SCAMP1: variants seen among roughly 807,000 people sequenced by gnomAD.
The protein encoded by SCAMP1 is secretory carrier-associated membrane protein 1.
SCAMP1 carries 15 observed loss-of-function variants against 41.8 expected under a neutral mutation model. The observed-to-expected ratio is 0.36, with a 90% CI of 0.24 to 0.55. The LOEUF (loss-of-function observed/expected upper bound fraction) is 0.55. Among genes scored for constraint, SCAMP1 ranks in the 20% least tolerant of loss-of-function variants. The pLI, the probability that SCAMP1 is intolerant of heterozygous loss-of-function variation, is 0.86. For synonymous variants in SCAMP1, 135 were observed against 136.8 expected (o/e 0.99, Z 0.09); for missense variants, 341 against 412.6 (o/e 0.83, Z 1.50).
At chr5:78,400,007 C>T (rs1288362277) in intron 2 of SCAMP1, among the ~76,000 whole-genome samples, 1 of 152,134 alleles carries the variant, frequency 6.6e-6, no homozygotes, top group Non-Finnish European at 1.5e-5. Flanking sequence ...TCAGGCTGGT[C>T]TTGAACTCTT....
chr5:78,403,785 G>GTGAA (rs200685760), intron 2 of SCAMP1, among the ~76,000 whole-genome samples: 5,336 of 151,862 alleles, frequency 0.035, 333 homozygotes, highest in African/African-American at 0.12. Flanking sequence ...GGCCAACATG[G>GTGAA]TGAAACCCTG....
intron 7 of SCAMP1, among the ~76,000 whole-genome samples, chr5:78,456,263 C>G (rs555170551): frequency 6.7e-6 from 1 of 148,232 alleles, no homozygotes; most frequent in Non-Finnish European, 1.5e-5. Flanking sequence ...TTAGTTGATG[C>G]AGTTTCTTCC....
intron 1 of SCAMP1, among the ~76,000 whole-genome samples, chr5:78,372,072 T>C (rs1397931460): frequency 6.6e-6 from 1 of 152,220 alleles, no homozygotes; most frequent in Non-Finnish European, 1.5e-5. Context: ...CAATGCATAG[T>C]GTAGAAGCAT....
rs375255469 is a variant in SCAMP1 at position 78,459,090 on chromosome 5, C to T, written c.735-155C>T. On this transcript the variant is annotated intron_variant, in intron 7 of 8. Transcript: ENST00000621999. Reference sequence around the variant, plus strand: ...AATGGGGATTTAAAACAGCATCTATCCTATTGGGTGGGTTGTGAGAATTAA... The same window carrying T: ...AATGGGGATTTAAAACAGCATCTATTCTATTGGGTGGGTTGTGAGAATTAA... Among the ~76,000 whole-genome samples, 35 of 152,250 alleles carry T rather than the reference C, an allele frequency of 2.3e-4. No homozygotes were observed. In the South Asian group the frequency reaches 7.1e-3, roughly 31 times the overall value.
chr5:78,470,280 C>G (rs1303583697), intron 8 of SCAMP1, among the ~76,000 whole-genome samples: 1 of 152,066 alleles, frequency 6.6e-6, no homozygotes, highest in Non-Finnish European at 1.5e-5. Flanking sequence ...ATGTCTATTT[C>G]CAGAACTTTG....
At chr5:78,440,751 T>A (rs1353019901) in intron 6 of SCAMP1, among the ~76,000 whole-genome samples, 1 of 152,214 alleles carries the variant, frequency 6.6e-6, no homozygotes, top group Non-Finnish European at 1.5e-5. Context: ...GACAGGGACA[T>A]TGAAGTCTGC....
chr5:78,405,351 G>A (rs1043381896), intron 2 of SCAMP1, among the ~76,000 whole-genome samples: 1 of 152,026 alleles, frequency 6.6e-6, no homozygotes, highest in African/African-American at 2.4e-5. Flanking sequence ...TTCCTGTCTA[G>A]CACGCTGATT....
At chr5:78,368,842 T>C (rs1750863737) in intron 1 of SCAMP1, among the ~76,000 whole-genome samples, 1 of 152,108 alleles carries the variant, frequency 6.6e-6, no homozygotes, top group African/African-American at 2.4e-5. Flanking sequence ...TTTGTTGCTT[T>C]AGAAAAAGAA....
chr5:78,473,454 A>G (rs749110111), intron 8 of SCAMP1, among the ~76,000 whole-genome samples: 40 of 152,092 alleles, frequency 2.6e-4, no homozygotes, highest in Non-Finnish European at 4.4e-4. Flanking sequence ...TGCCTCTTAA[A>G]TAGTGTCTTT....
intron 6 of SCAMP1, among the ~76,000 whole-genome samples, chr5:78,427,553 G>A (rs1221324618): frequency 1.3e-5 from 2 of 152,044 alleles, no homozygotes; most frequent in African/African-American, 4.8e-5. Context: ...ATATTCCTAG[G>A]AGTAGCCTTA....
At chr5:78,445,952 C>T (rs1005804447) in intron 6 of SCAMP1, among the ~76,000 whole-genome samples, 23 of 152,084 alleles carry the variant, frequency 1.5e-4, no homozygotes, top group African/African-American at 4.6e-4. Context: ...AATAATTATT[C>T]GTATTAACGG....
intron 6 of SCAMP1, among the ~76,000 whole-genome samples, chr5:78,429,557 C>T (rs1225646866): frequency 5.3e-5 from 8 of 151,922 alleles, no homozygotes; most frequent in Non-Finnish European, 1.2e-4. Flanking sequence ...CTGGGAGTTG[C>T]AATGAGGGTG....
intron 6 of SCAMP1, among the ~76,000 whole-genome samples, chr5:78,447,252 A>G (rs1285807032): frequency 1.3e-5 from 2 of 152,244 alleles, no homozygotes; most frequent in Non-Finnish European, 2.9e-5. Flanking sequence ...ATGTTAACTC[A>G]TTGCCATGTT....
chr5:78,431,390 T>G lies in SCAMP1; in HGVS notation c.632+9430T>G, dbSNP rs529124271. On this transcript the variant is annotated intron_variant, in intron 6 of 8. Coordinates refer to ENST00000621999, the MANE Select transcript of SCAMP1 (RefSeq NM_004866.6). Reference sequence around the variant, plus strand: ...ATATGAAGTTGACAAGTCTATATATTAAGTTGACAGTCTCTTTTAATTAAT... The same window carrying G: ...ATATGAAGTTGACAAGTCTATATATGAAGTTGACAGTCTCTTTTAATTAAT... Among the ~76,000 whole-genome samples, 860 of 151,934 alleles carry G rather than the reference T, an allele frequency of 5.7e-3. 4 individuals carry two copies. The highest frequency in any genetic ancestry group is 9.7e-3 in the Non-Finnish European group (656 of 67,858).
At chr5:78,377,904 G>T (rs897575074) in intron 1 of SCAMP1, among the ~76,000 whole-genome samples, 3 of 152,160 alleles carry the variant, frequency 2.0e-5, no homozygotes, top group African/African-American at 7.2e-5. Context: ...GAAGTGACTT[G>T]TTCAAAGTTT....
intron 2 of SCAMP1, 113 bp from the exon 3 acceptor site, chr5:78,415,407 G>A (rs1400569926): frequency 4.7e-6 from 3 of 644,574 alleles, no homozygotes; most frequent in African/African-American, 1.8e-5. Flanking sequence ...AGAGAGCAGG[G>A]AATGAAGAGA....
intron 7 of SCAMP1, among the ~76,000 whole-genome samples, chr5:78,456,128 C>T (rs569095997): frequency 0.024 from 2,824 of 119,772 alleles, 118 homozygotes; most frequent in African/African-American, 0.089. Flanking sequence ...TGGGTCTTGA[C>T]TCTTTATCCA....
At chr5:78,368,929 A>G (rs941358543) in intron 1 of SCAMP1, among the ~76,000 whole-genome samples, 4 of 151,992 alleles carry the variant, frequency 2.6e-5, no homozygotes, top group African/African-American at 7.3e-5. Context: ...ATCTGCTACC[A>G]TGGCCTGACA....
chr5:78,453,980 CTCTG>C (rs1371070865), intron 7 of SCAMP1, among the ~76,000 whole-genome samples: 4 of 151,720 alleles, frequency 2.6e-5, no homozygotes, highest in East Asian at 1.9e-4. Context: ...TGATTTGGCT[CTCTG>C]TCTGTTATTG....
Sources: gnomAD v4.1 joint callset for allele counts (sites outside exome capture counted in the v4.1 genomes callset) on GRCh38, gnomAD v4.1.1 for gene constraint, MANE v1.5 for transcripts, NCBI Gene and HGNC (gene_info 2026-07-23, HGNC 2026-07-21) for gene names.